The following SNX29 variants were observed in gnomAD, a reference collection of about 807,000 sequenced individuals.
SNX29 encodes sorting nexin 29.
A neutral mutation model predicts 102.1 loss-of-function variants in SNX29; 78 were observed. That is an observed-to-expected ratio of 0.76 (90% CI 0.64 to 0.92). SNX29 has a LOEUF of 0.92. SNX29 is among the 40% of genes least tolerant of loss of function. The probability of loss-of-function intolerance (pLI) is 0.00; values close to 1 mark genes in which losing one functional copy is unlikely to be tolerated. For missense variants in SNX29, 1,280 were observed against 1,061.7 expected (o/e 1.21, Z -2.86); for synonymous variants, 580 against 414.5 (o/e 1.40, Z -4.85).
At position 12,059,885 on chromosome 16, in the gene SNX29, A is replaced by T. The variant is rs1266064868; in HGVS notation, c.1125-1643A>T. ...TGGAAGACCTGGGCTCCAGTCCCAC[A>T]GCCTTGGTTCTGTTGCTTAGTGCTG... is the stretch of plus-strand genomic sequence containing the variant. On this transcript the variant is annotated intron_variant, in intron 8 of 20. Transcript: ENST00000566228. Among the ~76,000 whole-genome samples, 3 of 152,360 alleles carry T rather than the reference A, an allele frequency of 2.0e-5. No homozygotes were observed. The South Asian group carries it at 6.2e-4, about 32-fold the overall frequency.
At chr16:12,215,540 C>T (rs976189613) in intron 14 of SNX29, among the ~76,000 whole-genome samples, 2 of 152,108 alleles carry the variant, frequency 1.3e-5, no homozygotes, top group African/African-American at 2.4e-5. Context: ...TGGGTAGGCA[C>T]AGGAACCTGG....
At chr16:12,477,996 A>C (rs2087734563) in intron 19 of SNX29, 137 bp downstream of exon 19, 2 of 1,016,382 alleles carry the variant, frequency 2.0e-6, no homozygotes, top group South Asian at 1.9e-5. Context: ...AAATAGAGAA[A>C]AGAAATAGCC....
At chr16:12,534,926 C>G (rs890692549) in intron 20 of SNX29, among the ~76,000 whole-genome samples, 1 of 152,170 alleles carries the variant, frequency 6.6e-6, no homozygotes, top group African/African-American at 2.4e-5. Context: ...CATCCTACAC[C>G]TCACAGGATG....
chr16:12,411,434 C>A (rs1296685700), intron 18 of SNX29, among the ~76,000 whole-genome samples: 2 of 152,192 alleles, frequency 1.3e-5, no homozygotes, highest in Non-Finnish European at 2.9e-5. Flanking sequence ...GCTCAGGGCT[C>A]CCAGGAAAGC....
intron 16 of SNX29, among the ~76,000 whole-genome samples, chr16:12,380,311 A>G (rs2083026048): frequency 7.2e-6 from 1 of 138,312 alleles, no homozygotes; most frequent in Non-Finnish European, 1.6e-5. Flanking sequence ...CCAACCACCC[A>G]CCTATCATCC....
chr16:12,048,724 C>A, intron 7 of SNX29, 104 bp downstream of exon 7: 1 of 1,573,862 alleles, frequency 6.4e-7, no homozygotes. Flanking sequence ...GGAATGGAGT[C>A]CAGTGCACTT....
chr16:12,230,544 G>C (rs2077737444), intron 14 of SNX29, among the ~76,000 whole-genome samples: 1 of 152,200 alleles, frequency 6.6e-6, no homozygotes, highest in African/African-American at 2.4e-5. Flanking sequence ...GGAAGGGCCT[G>C]TTCAACATTA....
intron 11 of SNX29, among the ~76,000 whole-genome samples, chr16:12,083,444 A>G (rs2052010652): frequency 6.6e-6 from 1 of 151,924 alleles, no homozygotes; most frequent in Non-Finnish European, 1.5e-5. Flanking sequence ...CTCTGTCCTT[A>G]TGTGGCCTTT....
chr16:12,164,749 A>G (rs2055940493), intron 13 of SNX29, among the ~76,000 whole-genome samples: 1 of 126,204 alleles, frequency 7.9e-6, no homozygotes, highest in South Asian at 2.5e-4. Context: ...GTGCGGTGGT[A>G]TGATCTTAGC....
chr16:11,994,506 C>T (rs1254283476), intron 1 of SNX29, among the ~76,000 whole-genome samples: 1 of 152,174 alleles, frequency 6.6e-6, no homozygotes, highest in Non-Finnish European at 1.5e-5. Flanking sequence ...CTGGCAGCTC[C>T]AGGATCCCAT....
intron 13 of SNX29, among the ~76,000 whole-genome samples, chr16:12,133,979 A>G (rs2054567048): frequency 6.6e-6 from 1 of 152,218 alleles, no homozygotes. Context: ...TCCTAGAACA[A>G]GGTCATGTAA....
intron 14 of SNX29, 117 bp from the exon 15 acceptor site, chr16:12,277,815 TC>T: frequency 2.6e-6 from 2 of 771,342 alleles, no homozygotes; most frequent in Admixed American, 2.4e-5. Flanking sequence ...TGTGTGTTTT[TC>T]TTGAGAGCTT....
At chr16:12,139,966 G>C (rs1178647895) in intron 13 of SNX29, among the ~76,000 whole-genome samples, 3 of 112,448 alleles carry the variant, frequency 2.7e-5, no homozygotes, top group African/African-American at 1.1e-4. Flanking sequence ...GGGAGACAGA[G>C]AGATACCCTG....
intron 15 of SNX29, among the ~76,000 whole-genome samples, chr16:12,304,715 C>CA (rs1247077369): frequency 1.3e-5 from 2 of 152,172 alleles, no homozygotes; most frequent in Non-Finnish European, 2.9e-5. Flanking sequence ...TTTCTTGCTT[C>CA]TCCTCCTATT....
At chr16:12,190,609 C>T (rs2076618207) in intron 13 of SNX29, among the ~76,000 whole-genome samples, 4 of 152,124 alleles carry the variant, frequency 2.6e-5, no homozygotes, top group Admixed American at 2.6e-4. Flanking sequence ...GACAGAGAAT[C>T]AGATCAACCT....
intron 14 of SNX29, among the ~76,000 whole-genome samples, chr16:12,232,490 C>T (rs1230326720): frequency 1.3e-5 from 2 of 152,226 alleles, no homozygotes; most frequent in Non-Finnish European, 2.9e-5. Context: ...CACTGCACTC[C>T]AGGCTGGGCC....
intron 14 of SNX29, among the ~76,000 whole-genome samples, chr16:12,271,029 C>T (rs1310000954): frequency 3.9e-5 from 6 of 152,086 alleles, no homozygotes; most frequent in African/African-American, 1.4e-4. Context: ...GGTAACAGAA[C>T]GAGACTCTCA....
chr16:12,228,871 T>A (rs1013489993), intron 14 of SNX29, among the ~76,000 whole-genome samples: 3 of 152,244 alleles, frequency 2.0e-5, no homozygotes, highest in Admixed American at 6.5e-5. Flanking sequence ...GGGACTTCAT[T>A]GCAAAGCTGG....
At position 12,460,430 on chromosome 16, in the gene SNX29, G is replaced by A. The variant is rs1157667196; in HGVS notation, c.2038-17289G>A. ...GAAAGGTCTTAGTGTAACCAAAGTA[G>A]AAAACTCCTTCTATATTTTTAGCTT... On this transcript the variant is annotated intron_variant, in intron 18 of 20. Transcript: ENST00000566228. Among the ~76,000 whole-genome samples, 2 of 152,116 alleles carry A rather than the reference G, an allele frequency of 1.3e-5. 1 individual carries two copies. Among genetic ancestry groups the A allele is most frequent in the South Asian group, 4.1e-4 (2 of 4,826 alleles).
Sources: gnomAD v4.1 joint callset for allele counts (sites outside exome capture counted in the v4.1 genomes callset) on GRCh38, gnomAD v4.1.1 for gene constraint, MANE v1.5 for transcripts, NCBI Gene and HGNC (gene_info 2026-07-23, HGNC 2026-07-21) for gene names.